HERC2: variants seen among roughly 807,000 people sequenced by gnomAD.
HERC2 encodes the protein HECT and RLD domain containing E3 ubiquitin protein ligase 2.
A neutral mutation model predicts 537.7 loss-of-function variants in HERC2; 102 were observed. The observed-to-expected ratio is 0.19, with a 90% CI of 0.16 to 0.22. The LOEUF (loss-of-function observed/expected upper bound fraction) is 0.22, where lower values mean the gene tolerates loss of function less well. HERC2 is among the 10% of genes least tolerant of loss of function. HERC2 has a pLI of 1.00. For synonymous variants in HERC2, 2,224 were observed against 2,466.2 expected, an observed-to-expected ratio of 0.90 and a Z score of 2.91; for missense variants, 4,236 against 6,198.2, an observed-to-expected ratio of 0.68 and a Z score of 10.63.
In HERC2 at chr15:28,192,036, C is replaced by T. The variant is rs777954569; in HGVS notation, c.8376G>A (p.Ser2792=). 1.3e-5 allele frequency: 21 copies of T among 1,613,888 alleles called. No homozygotes were observed. Among genetic ancestry groups the T allele is most frequent in the East Asian group, 2.2e-5 (1 of 44,890 alleles). ...GACGGGATGCCTGGTTCACGGAGGA[C>T]GACACATTCAGGCTCTTCACCATGC... ...WSRMVKSLNV[S]SSVNQASRLI... The change falls in exon 53 of 93, where the codon TCG becomes TCA. Residue 2792 remains serine (S), a synonymous_variant. Transcript: ENST00000261609.
chr15:28,185,928 A>T (rs1428958873), intron 56 of HERC2, among the ~76,000 whole-genome samples: 3 of 152,244 alleles, frequency 2.0e-5, no homozygotes, highest in African/African-American at 7.2e-5. Flanking sequence ...GTAGGCATTC[A>T]AAAGATGTTG....
chr15:28,214,834 T>TA (rs770328128), intron 39 of HERC2, 32 bp from the exon 40 acceptor site: 214 of 1,567,622 alleles, frequency 1.4e-4, no homozygotes, highest in Non-Finnish European at 1.6e-4. Context: ...CGACAAGCAT[T>TA]AAAAAAAATC....
At chr15:28,251,195 C>T (rs1416191260) in intron 20 of HERC2, among the ~76,000 whole-genome samples, 1 of 152,216 alleles carries the variant, frequency 6.6e-6, no homozygotes, top group Admixed American at 6.5e-5. Context: ...GTAATCCCAA[C>T]ACTTTTGGAG....
intron 78 of HERC2, among the ~76,000 whole-genome samples, chr15:28,141,107 G>A (rs186461427): frequency 2.2e-4 from 33 of 151,852 alleles, no homozygotes; most frequent in Admixed American, 1.5e-3. Flanking sequence ...GTGTGGTGGC[G>A]GGCGCCTATA....
At chr15:28,279,892 T>C in intron 5 of HERC2, 176 bp downstream of exon 5, 1 of 604,980 alleles carries the variant, frequency 1.7e-6, no homozygotes, top group Non-Finnish European at 2.9e-6. Flanking sequence ...TATTACTACA[T>C]GAGCAAATTG....
intron 2 of HERC2, among the ~76,000 whole-genome samples, chr15:28,307,933 T>G (rs548576332): frequency 1.3e-5 from 2 of 152,190 alleles, no homozygotes; most frequent in African/African-American, 2.4e-5. Flanking sequence ...GCTAGTACTA[T>G]GCTGTTTTGG....
In HERC2 at chr15:28,178,963, G is replaced by A; in HGVS notation, c.9087C>T (p.Ser3029=). Residue 3029 remains serine, a synonymous_variant, in exon 59 of 93, where the codon TCC becomes TCT. Transcript: ENST00000261609. The part of the protein sequence containing the change: ...ATNGRLGLGI[S]SGTVPIPRQI... Reference sequence around the variant, plus strand: ...GCCGTGGGATGGGCACCGTCCCGCTGGAAATGCCCAGCCCCAGCCGGCCAT... The same window carrying A: ...GCCGTGGGATGGGCACCGTCCCGCTAGAAATGCCCAGCCCCAGCCGGCCAT... 1 of 1,614,200 alleles carries A rather than the reference G, an allele frequency of 6.2e-7. No individual in the cohort carries two copies. Among genetic ancestry groups the A allele is most frequent in the African/African-American group, 1.3e-5 (1 of 75,056 alleles).
At chr15:28,162,931 T>C (rs1473786902) in intron 69 of HERC2, among the ~76,000 whole-genome samples, 163 bp downstream of exon 69, 2 of 152,198 alleles carry the variant, frequency 1.3e-5, no homozygotes, top group East Asian at 3.9e-4. Flanking sequence ...CTGGGTTAAA[T>C]GCTAAAACGT....
intron 76 of HERC2, 46 bp downstream of exon 76, chr15:28,142,192 T>C: frequency 6.3e-7 from 1 of 1,586,574 alleles, no homozygotes; most frequent in Non-Finnish European, 8.6e-7. Flanking sequence ...TATAGCTAAA[T>C]AATGTTTTTG....
Position 28,171,852 on chromosome 15 carries a change from A to G in HERC2, c.10058-2197T>C, listed in dbSNP as rs1331550975. Reference sequence around the variant, plus strand: ...CACTTTGGGAGGCCGAGGTGGGCGGATCACGAGGTCAGGAGATCGATTCTG... The same window carrying G: ...CACTTTGGGAGGCCGAGGTGGGCGGGTCACGAGGTCAGGAGATCGATTCTG... On this transcript the variant is annotated intron_variant, in intron 65 of 92. Coordinates refer to ENST00000261609, the MANE Select transcript of HERC2 (RefSeq NM_004667.6). Among the ~76,000 whole-genome samples the G allele has an allele frequency of 1.3e-5, 2 of 152,154 alleles. 1 individual carries two copies. The highest frequency in any genetic ancestry group is 3.9e-4 in the East Asian group (2 of 5,192).
At chr15:28,299,789 T>C (rs1414518135) in intron 2 of HERC2, among the ~76,000 whole-genome samples, 1 of 152,130 alleles carries the variant, frequency 6.6e-6, no homozygotes, top group African/African-American at 2.4e-5. Flanking sequence ...AGGTGGCTCA[T>C]GCTTGTCATC....
intron 4 of HERC2, 132 bp downstream of exon 4, chr15:28,292,756 T>C: frequency 1.1e-6 from 1 of 929,360 alleles, no homozygotes. Context: ...ATGTATATTT[T>C]ACCACAATAT....
intron 52 of HERC2, among the ~76,000 whole-genome samples, chr15:28,194,402 C>T (rs538283018): frequency 6.7e-6 from 1 of 150,006 alleles, no homozygotes; most frequent in Admixed American, 6.6e-5. Context: ...AACCCCATCT[C>T]TACTAAAAAT....
chr15:28,241,045 A>G (rs967406638), intron 23 of HERC2, among the ~76,000 whole-genome samples: 1 of 152,206 alleles, frequency 6.6e-6, no homozygotes, highest in African/African-American at 2.4e-5. Context: ...AAAAATAGGT[A>G]AGTTGGACTT....
At chr15:28,126,533 A>G (rs745939086) in intron 83 of HERC2, among the ~76,000 whole-genome samples, 25 of 152,256 alleles carry the variant, frequency 1.6e-4, no homozygotes, top group Non-Finnish European at 3.2e-4. Flanking sequence ...TATATACACC[A>G]TGGAATACTA....
At chr15:28,150,832 T>G (rs1013186848) in intron 70 of HERC2, among the ~76,000 whole-genome samples, 2 of 151,990 alleles carry the variant, frequency 1.3e-5, no homozygotes, top group African/African-American at 4.8e-5. Context: ...TTATCATACT[T>G]TCACAGAGGA....
At chr15:28,310,166 G>A (rs2076901709) in intron 2 of HERC2, among the ~76,000 whole-genome samples, 1 of 152,218 alleles carries the variant, frequency 6.6e-6, no homozygotes, top group South Asian at 2.1e-4. Flanking sequence ...TAGCCAGAAA[G>A]CTGAGCATGG....
At chr15:28,162,972 G>C in intron 69 of HERC2, 122 bp downstream of exon 69, 1 of 804,942 alleles carries the variant, frequency 1.2e-6, no homozygotes. Context: ...CTAACCTGCA[G>C]TCTACTAGGA....
chr15:28,224,323 G>C (rs1038393978), intron 35 of HERC2, among the ~76,000 whole-genome samples: 32 of 152,030 alleles, frequency 2.1e-4, no homozygotes, highest in African/African-American at 6.8e-4. Context: ...CCGGGCTCAA[G>C]CAATCCTCCC....
Sources: gnomAD v4.1 joint callset for allele counts (sites outside exome capture counted in the v4.1 genomes callset) on GRCh38, gnomAD v4.1.1 for gene constraint, MANE v1.5 for transcripts, NCBI Gene and HGNC (gene_info 2026-07-23, HGNC 2026-07-21) for gene names.